The following KCNQ3 variants were observed in gnomAD, a reference collection of about 807,000 sequenced individuals.
KCNQ3 encodes the protein potassium voltage-gated channel subfamily KQT member 3.
A neutral mutation model predicts 92.5 loss-of-function variants in KCNQ3; 30 were observed. That is an observed-to-expected ratio of 0.32 (90% confidence interval 0.24 to 0.44). KCNQ3 has a LOEUF of 0.44. KCNQ3 is among the 20% of genes least tolerant of loss of function. The pLI, the probability that KCNQ3 is intolerant of heterozygous loss-of-function variation, is 1.00. For missense variants in KCNQ3, 913 were observed against 1,140.3 expected, an observed-to-expected ratio of 0.80 and a Z score of 2.87; for synonymous variants, 450 against 468.8, an observed-to-expected ratio of 0.96 and a Z score of 0.52.
intron 1 of KCNQ3, among the ~76,000 whole-genome samples, chr8:132,422,398 GC>G (rs1301689204): frequency 1.3e-5 from 2 of 152,130 alleles, no homozygotes; most frequent in Non-Finnish European, 2.9e-5. Flanking sequence ...CAGCAGAGCC[GC>G]CAGAGGGACA....
chr8:132,178,972 C>G (rs1174524235), intron 4 of KCNQ3, among the ~76,000 whole-genome samples: 2 of 145,722 alleles, frequency 1.4e-5, no homozygotes, highest in Non-Finnish European at 3.0e-5. Flanking sequence ...GGGACAACAA[C>G]AGCATCTAGT....
At chr8:132,350,943 C>T (rs1818841605) in intron 1 of KCNQ3, among the ~76,000 whole-genome samples, 1 of 152,028 alleles carries the variant, frequency 6.6e-6, no homozygotes, top group Admixed American at 6.6e-5. Context: ...ACAGGAAGCT[C>T]AGGGGTTGGC....
In KCNQ3 at chr8:132,254,278, G is replaced by A. The variant is rs149863420; in HGVS notation, c.387-68097C>T. 1.3e-3 allele frequency among the ~76,000 whole-genome samples: 204 copies of A among 152,278 alleles called. 1 individual carries two copies. Among genetic ancestry groups the A allele is most frequent in the Middle Eastern group, 6.8e-3 (2 of 292 alleles). On this transcript the variant is annotated intron_variant, in intron 1 of 14. Transcript: ENST00000388996. ...ACTGGTGATAGAGATAGATGTGCTCGACTTTACACAAATGAGTGATTGGTG... is the reference window on the plus strand; with the variant it reads ...ACTGGTGATAGAGATAGATGTGCTCAACTTTACACAAATGAGTGATTGGTG...
intron 1 of KCNQ3, among the ~76,000 whole-genome samples, chr8:132,401,438 C>G (rs541798071): frequency 6.6e-6 from 1 of 151,948 alleles, no homozygotes; most frequent in Non-Finnish European, 1.5e-5. Flanking sequence ...TGCAGTGGCA[C>G]GATCTTGGCT....
chr8:132,330,659 C>T (rs1818202414), intron 1 of KCNQ3, among the ~76,000 whole-genome samples: 1 of 152,212 alleles, frequency 6.6e-6, no homozygotes, highest in Non-Finnish European at 1.5e-5. Flanking sequence ...AAAGGCAAAA[C>T]ATTAGGAGCT....
chr8:132,210,935 C>G (rs1262941823), intron 1 of KCNQ3, among the ~76,000 whole-genome samples: 1 of 152,198 alleles, frequency 6.6e-6, no homozygotes, highest in East Asian at 1.9e-4. Flanking sequence ...GGCACATAAT[C>G]ACTCAATGGA....
At chr8:132,268,271 TTTTG>T (rs570282514) in intron 1 of KCNQ3, among the ~76,000 whole-genome samples, 84 of 152,286 alleles carry the variant, frequency 5.5e-4, no homozygotes, top group East Asian at 1.2e-3. Context: ...GATAGCTCTT[TTTTG>T]TTTGTTTGTT....
At position 132,149,078 on chromosome 8, in the gene KCNQ3, G is replaced by A. The variant is rs532051528; in HGVS notation, c.1263-7747C>T. On this transcript the variant is annotated intron_variant, in intron 9 of 14. Transcript: ENST00000388996. The stretch of plus-strand genomic sequence containing the variant: ...TTGTAGCTAGAAACAAAGATTTGCC[G>A]TTCATGTAGGTTTTCTGTGCGTTTT... Among the ~76,000 whole-genome samples the A allele has an allele frequency of 1.2e-4, 19 of 152,348 alleles. No individual in the cohort carries two copies. The South Asian group carries it at 1.7e-3, about 13-fold the overall frequency.
At chr8:132,368,227 T>C (rs534184499) in intron 1 of KCNQ3, among the ~76,000 whole-genome samples, 16 of 152,332 alleles carry the variant, frequency 1.1e-4, no homozygotes, top group Admixed American at 9.8e-4. Context: ...CAAGAACCTA[T>C]TGAGGGCGTT....
intron 1 of KCNQ3, among the ~76,000 whole-genome samples, chr8:132,255,208 T>C (rs1480763112): frequency 6.6e-6 from 1 of 151,780 alleles, no homozygotes; most frequent in Non-Finnish European, 1.5e-5. Context: ...AGAATGGAGC[T>C]CCTCCAAAGC....
At chr8:132,412,647 G>A (rs556037690) in intron 1 of KCNQ3, among the ~76,000 whole-genome samples, 1 of 152,270 alleles carries the variant, frequency 6.6e-6, no homozygotes, top group South Asian at 2.1e-4. Flanking sequence ...GAAGAAACCC[G>A]GCAAACTCCC....
chr8:132,143,937 TATGAG>T (rs1220891007), intron 9 of KCNQ3, among the ~76,000 whole-genome samples: 1 of 152,210 alleles, frequency 6.6e-6, no homozygotes, highest in South Asian at 2.1e-4. Flanking sequence ...TCCACTTCCG[TATGAG>T]ATAAGTATAT....
intron 1 of KCNQ3, among the ~76,000 whole-genome samples, chr8:132,407,538 C>T (rs1820524200): frequency 6.6e-6 from 1 of 152,198 alleles, no homozygotes; most frequent in Non-Finnish European, 1.5e-5. Flanking sequence ...CAAAGCAGCA[C>T]ACTATTTTCA....
intron 1 of KCNQ3, among the ~76,000 whole-genome samples, chr8:132,207,366 G>T (rs1306646584): frequency 6.6e-6 from 1 of 152,166 alleles, no homozygotes; most frequent in Admixed American, 6.5e-5. Flanking sequence ...AATGGCACCT[G>T]GAATTTGCAT....
At chr8:132,220,101 G>A (rs150445405) in intron 1 of KCNQ3, among the ~76,000 whole-genome samples, 95 of 152,132 alleles carry the variant, frequency 6.2e-4, no homozygotes, top group African/African-American at 2.3e-3. Context: ...TCCATTAGGT[G>A]GGTTTATTTA....
chr8:132,165,868 C>T (rs918335878), intron 8 of KCNQ3, among the ~76,000 whole-genome samples: 5 of 152,184 alleles, frequency 3.3e-5, no homozygotes, highest in African/African-American at 9.7e-5. Flanking sequence ...TGGAGTTACC[C>T]CTTCTACTTA....
chr8:132,376,550 T>C (rs1218114650), intron 1 of KCNQ3, among the ~76,000 whole-genome samples: 2 of 152,220 alleles, frequency 1.3e-5, no homozygotes, highest in Non-Finnish European at 1.5e-5. Flanking sequence ...GAGAGAAAAG[T>C]GCCATCCAGC....
chr8:132,141,393 T>C (rs1825291399), intron 9 of KCNQ3, 62 bp from the exon 10 acceptor site: 1 of 1,437,646 alleles, frequency 7.0e-7, no homozygotes, highest in Non-Finnish European at 9.7e-7. Context: ...AAATTTCCCA[T>C]CCCTCCATAA....
At chr8:132,376,238 T>C (rs974116721) in intron 1 of KCNQ3, among the ~76,000 whole-genome samples, 5 of 152,238 alleles carry the variant, frequency 3.3e-5, no homozygotes, top group Admixed American at 1.3e-4. Context: ...CTTAAGTTGA[T>C]GTGTACATTT....
Sources: allele counts gnomAD v4.1 joint callset (sites outside exome capture counted in the v4.1 genomes callset), GRCh38; gene constraint gnomAD v4.1.1; transcripts MANE v1.5; gene names NCBI Gene and HGNC (gene_info 2026-07-23, HGNC 2026-07-21).